The following TENM3 variants were observed in gnomAD, a reference collection of about 807,000 sequenced individuals.
TENM3 encodes teneurin-3.
TENM3 carries 63 observed loss-of-function variants against 255.1 expected under a neutral mutation model. The ratio of observed to expected loss-of-function variants is 0.25; its 90% CI spans 0.20 to 0.30. The LOEUF is 0.30. Ranked by LOEUF, TENM3 falls within the 10% of genes least tolerant of loss-of-function variation. The probability of loss-of-function intolerance (pLI) is 1.00; values close to 1 mark genes in which losing one functional copy is unlikely to be tolerated. For missense variants in TENM3, 2,929 were observed against 3,461.1 expected, an observed-to-expected ratio of 0.85 and a Z score of 3.86; for synonymous variants, 1,306 against 1,322.3, an observed-to-expected ratio of 0.99 and a Z score of 0.27.
intron 3 of TENM3, among the ~76,000 whole-genome samples, chr4:182,517,376 ATTC>A (rs1738083530): frequency 2.4e-5 from 3 of 123,242 alleles, no homozygotes; most frequent in African/African-American, 6.3e-5. Context: ...AACAAAGTTC[ATTC>A]TTTTTTTTTT....
At chr4:182,581,748 T>G (rs7692498) in intron 3 of TENM3, among the ~76,000 whole-genome samples, 50,396 of 151,322 alleles carry the variant, frequency 0.33, 9,847 homozygotes, top group East Asian at 0.49. Context: ...AAAAGAAAAA[T>G]AAAAAAGAAA....
the TENM3 span, among the ~76,000 whole-genome samples, chr4:182,107,144 C>T: frequency 8.3e-6 from 1 of 120,206 alleles, no homozygotes; most frequent in African/African-American, 3.3e-5. Context: ...TCTGGTGAAA[C>T]AGAACATACA....
At chr4:181,467,740 C>T in the TENM3 span, among the ~76,000 whole-genome samples, 1 of 152,016 alleles carries the variant, frequency 6.6e-6, no homozygotes, top group Non-Finnish European at 1.5e-5. Context: ...AAAGAAGCAG[C>T]TGAGGACTAA....
the TENM3 span, among the ~76,000 whole-genome samples, chr4:182,063,540 C>T: frequency 1.5e-4 from 23 of 152,198 alleles, 1 homozygote; most frequent in South Asian, 4.6e-3. Context: ...CCCAAAACAT[C>T]GAAGTATTAC....
chr4:181,963,163 C>T, the TENM3 span, among the ~76,000 whole-genome samples: 5 of 152,310 alleles, frequency 3.3e-5, no homozygotes, highest in South Asian at 1.0e-3. Flanking sequence ...TTTGGCCATA[C>T]TGCTTCTACA....
chr4:181,651,644 A>G, the TENM3 span, among the ~76,000 whole-genome samples: 62 of 152,292 alleles, frequency 4.1e-4, no homozygotes, highest in Admixed American at 1.0e-3. Flanking sequence ...TATACTAGGC[A>G]TAGAGAACTC....
At chr4:181,992,231 A>G in the TENM3 span, among the ~76,000 whole-genome samples, 4 of 152,180 alleles carry the variant, frequency 2.6e-5, no homozygotes, top group Non-Finnish European at 4.4e-5. Flanking sequence ...CTTGCACTCA[A>G]TTTATCTCCT....
At chr4:181,907,291 T>C in the TENM3 span, among the ~76,000 whole-genome samples, 158 of 152,270 alleles carry the variant, frequency 1.0e-3, no homozygotes, top group African/African-American at 3.6e-3. Flanking sequence ...AGTTGGAGTG[T>C]ATGGGCAAAT....
chr4:182,482,424 G>A (rs558713850), intron 3 of TENM3, among the ~76,000 whole-genome samples: 20 of 152,144 alleles, frequency 1.3e-4, no homozygotes, highest in African/African-American at 4.8e-4. Flanking sequence ...AGAATGTAAT[G>A]TGGAAGGTAC....
chr4:181,456,565 T>C, the TENM3 span, among the ~76,000 whole-genome samples: 1 of 151,916 alleles, frequency 6.6e-6, no homozygotes, highest in African/African-American at 2.4e-5. Flanking sequence ...TCTTCTATCA[T>C]GATAAACTTG....
the TENM3 span, among the ~76,000 whole-genome samples, chr4:181,468,433 A>G: frequency 6.6e-6 from 1 of 152,194 alleles, no homozygotes; most frequent in African/African-American, 2.4e-5. Context: ...TTTATTTTAC[A>G]AAATCAGGGA....
At chr4:182,745,044 A>T (rs1469596056) in intron 19 of TENM3, among the ~76,000 whole-genome samples, 2 of 152,244 alleles carry the variant, frequency 1.3e-5, no homozygotes, top group Non-Finnish European at 2.9e-5. Flanking sequence ...AAAATATCTA[A>T]TGAAATGATA....
At chr4:182,061,927 A>G in the TENM3 span, among the ~76,000 whole-genome samples, 3 of 152,202 alleles carry the variant, frequency 2.0e-5, no homozygotes, top group African/African-American at 7.2e-5. Flanking sequence ...CCTGCACTCC[A>G]GCCTGGGTGA....
chr4:182,158,875 T>A (rs1750899766), intron 1 of TENM3, among the ~76,000 whole-genome samples: 1 of 152,224 alleles, frequency 6.6e-6, no homozygotes. Context: ...GAGAGTCTAA[T>A]GTTAAATGTG....
At chr4:182,473,417 T>G (rs1439191788) in intron 3 of TENM3, among the ~76,000 whole-genome samples, 2 of 152,226 alleles carry the variant, frequency 1.3e-5, no homozygotes, top group African/African-American at 4.8e-5. Flanking sequence ...CTCATGCCTG[T>G]AATCCCAGCA....
intron 3 of TENM3, among the ~76,000 whole-genome samples, chr4:182,564,566 TTTTG>T (rs1214597429): frequency 7.1e-6 from 1 of 140,676 alleles, no homozygotes; most frequent in Non-Finnish European, 1.6e-5. Flanking sequence ...GTTTTTTTGT[TTTTG>T]TTTTTGTTTT....
intron 1 of TENM3, among the ~76,000 whole-genome samples, chr4:182,171,717 G>C (rs1225526322): frequency 2.6e-5 from 4 of 152,156 alleles, no homozygotes; most frequent in Non-Finnish European, 4.4e-5. Context: ...TCGAGTGCTT[G>C]ATTTTAGAAC....
intron 8 of TENM3, 35 bp from the exon 9 acceptor site, chr4:182,680,213 A>G (rs1203488074): frequency 1.4e-6 from 2 of 1,457,986 alleles, no homozygotes; most frequent in African/African-American, 1.4e-5. Context: ...GAGGCAGGCT[A>G]TACAACAAGT....
At chr4:182,516,610 G>A (rs74630005) in intron 3 of TENM3, among the ~76,000 whole-genome samples, 2 of 152,172 alleles carry the variant, frequency 1.3e-5, no homozygotes, top group Non-Finnish European at 2.9e-5. Flanking sequence ...TGCCTGTAAG[G>A]CCAGGCGTAA....
Sources: allele counts gnomAD v4.1 joint callset (sites outside exome capture counted in the v4.1 genomes callset), GRCh38; gene constraint gnomAD v4.1.1; transcripts MANE v1.5; gene names NCBI Gene and HGNC (gene_info 2026-07-23, HGNC 2026-07-21).